Variants in BCR observed in about 807,000 individuals in gnomAD.
The protein encoded by BCR is BCR activator of RhoGEF and GTPase.
In BCR, 58 loss-of-function variants were observed where a neutral mutation model predicts 138.6. That is an observed-to-expected ratio of 0.42 (90% CI 0.34 to 0.52). BCR has a LOEUF of 0.52. Among genes scored for constraint, BCR ranks in the 20% least tolerant of loss-of-function variants. The probability of loss-of-function intolerance (pLI) is 0.06; values close to 1 mark genes in which losing one functional copy is unlikely to be tolerated. For missense variants in BCR, 1,599 were observed against 1,727.2 expected (o/e 0.93, Z 1.32); for synonymous variants, 786 against 730.1 (o/e 1.08, Z -1.23).
chr22:23,230,658 A>G (rs1455352458), intron 1 of BCR, among the ~76,000 whole-genome samples: 1 of 152,166 alleles, frequency 6.6e-6, no homozygotes, highest in Non-Finnish European at 1.5e-5. Flanking sequence ...CTCTGTCTTA[A>G]TGGTCTTTGC....
intron 9 of BCR, among the ~76,000 whole-genome samples, 189 bp from the exon 10 acceptor site, chr22:23,284,844 G>C (rs1241225072): frequency 2.0e-5 from 3 of 152,188 alleles, no homozygotes; most frequent in Non-Finnish European, 4.4e-5. Context: ...TGTTCAGAGT[G>C]TCTGTTCCCA....
chr22:23,221,397 C>T (rs1406484814), intron 1 of BCR, among the ~76,000 whole-genome samples: 2 of 152,244 alleles, frequency 1.3e-5, no homozygotes, highest in African/African-American at 4.8e-5. Flanking sequence ...CTCCTTCACC[C>T]TGTTCCCCTT....
At chr22:23,273,948 C>T (rs1410042552) in intron 8 of BCR, among the ~76,000 whole-genome samples, 174 bp downstream of exon 8, 1 of 152,224 alleles carries the variant, frequency 6.6e-6, no homozygotes, top group African/African-American at 2.4e-5. Flanking sequence ...GGTGCAGTCT[C>T]AGGGGTGACC....
Position 23,189,012 on chromosome 22 carries a change from A to G in BCR, c.1279+6773A>G, listed in dbSNP as rs1240170016. On this transcript the variant is annotated intron_variant, in intron 1 of 22. Coordinates refer to ENST00000305877, the MANE Select transcript of BCR (RefSeq NM_004327.4). ...CTCCCGAGTAGCTGGGATTACAGCT[A>G]ATTAGCCTAGCTAATTTTTGTATTT... Among the ~76,000 whole-genome samples, 5 of 151,926 alleles carry G rather than the reference A, an allele frequency of 3.3e-5. No homozygotes were observed. In the South Asian group the frequency reaches 6.2e-4, roughly 19 times the overall value.
At position 23,181,547 on chromosome 22, in the gene BCR, T is replaced by C. The variant is rs768863875; in HGVS notation, c.587T>C (p.Val196Ala). The C allele has an allele frequency of 6.2e-7, 1 of 1,612,826 alleles. No homozygotes were observed. Among genetic ancestry groups the C allele is most frequent in the Admixed American group, 1.7e-5 (1 of 60,032 alleles). Residue 196 changes from valine to alanine, a missense_variant, in exon 1 of 23, where the codon GTG becomes GCG. Transcript: ENST00000305877. ...CTGGTGAAGGTCAACGACAAAGAGG[T>C]GTCGGACCGCATCAGCTCCCTGGGC... is the stretch of plus-strand genomic sequence containing the variant. The part of the protein sequence containing the change: ...RGLVKVNDKE[V>A]SDRISSLGSQ...
intron 4 of BCR, chr22:23,264,921 C>G (rs1238060796): frequency 3.3e-5 from 5 of 152,090 alleles, no homozygotes; most frequent in African/African-American, 1.2e-4. Context: ...CCAGCCCTAC[C>G]TCAGGCTGGC....
chr22:23,277,645 G>A (rs147382918), intron 8 of BCR, among the ~76,000 whole-genome samples: 1 of 152,258 alleles, frequency 6.6e-6, no homozygotes, highest in East Asian at 1.9e-4. Context: ...TCACTACTGG[G>A]CCTCCTGGGA....
chr22:23,287,179 G>A lies in BCR; in HGVS notation c.2427G>A (p.Lys809=). 3 of 1,577,416 alleles carry A rather than the reference G, an allele frequency of 1.9e-6. No individual in the cohort carries two copies. Among genetic ancestry groups the A allele is most frequent in the Non-Finnish European group, 2.6e-6 (3 of 1,160,806 alleles). The change falls in exon 11 of 23, where the codon AAG becomes AAA. Residue 809 remains lysine (K), a synonymous_variant. Transcript: ENST00000305877. ...QREKRANKGS[K]ATERLKKKLS... ...CACAGAGGGCGAACAAGGGCAGCAA[G>A]GCTACGGAGAGGCTGAAGAAGAAGC...
chr22:23,262,843 G>T, intron 4 of BCR: 1 of 1,039,864 alleles, frequency 9.6e-7, no homozygotes, highest in African/African-American at 1.7e-5. Flanking sequence ...AAGCAGGGCG[G>T]AAGGGAAGCC....
Position 23,181,909 on chromosome 22 carries a change from TC to T in BCR, c.955del (p.Arg319GlyfsTer180). The T allele has an allele frequency of 6.2e-7, 1 of 1,613,278 alleles. No homozygotes were observed. Among genetic ancestry groups the T allele is most frequent in the African/African-American group, 1.3e-5 (1 of 74,956 alleles). On this transcript the variant is annotated frameshift_variant, in exon 1 of 23. Coordinates refer to ENST00000305877, the MANE Select transcript of BCR (RefSeq NM_004327.4). LOFTEE classifies it high-confidence loss of function. Reference protein sequence around the residue: ...KRLTWPRRSYSPRSFEDCGGG... With the variant: ...KRLTWPRRSYXPRSFEDCGGG... Reference sequence around the variant, plus strand: ...CCTTACCTGGCCCCGCAGGTCCTACTCCCCCCGGAGTTTTGAGGATTGCGGA... The same window carrying T: ...CCTTACCTGGCCCCGCAGGTCCTACTCCCCCGGAGTTTTGAGGATTGCGGA...
At chr22:23,276,709 T>C (rs2073581250) in intron 8 of BCR, among the ~76,000 whole-genome samples, 1 of 152,254 alleles carries the variant, frequency 6.6e-6, no homozygotes, top group African/African-American at 2.4e-5. Context: ...GGGCAGATGC[T>C]GCTGATCAGT....
At chr22:23,257,699 A>G (rs955537195) in intron 2 of BCR, among the ~76,000 whole-genome samples, 4 of 152,188 alleles carry the variant, frequency 2.6e-5, no homozygotes, top group Admixed American at 1.3e-4. Flanking sequence ...AGGGGGTGTC[A>G]TAGGTCGCCC....
intron 1 of BCR, among the ~76,000 whole-genome samples, chr22:23,211,746 G>T (rs1255382408): frequency 6.6e-6 from 1 of 152,056 alleles, no homozygotes; most frequent in Non-Finnish European, 1.5e-5. Flanking sequence ...CTAACCTCAG[G>T]TGATCCACCC....
intron 8 of BCR, among the ~76,000 whole-genome samples, chr22:23,274,710 C>T (rs1320914693): frequency 6.6e-6 from 1 of 152,036 alleles, no homozygotes; most frequent in Non-Finnish European, 1.5e-5. Context: ...GAATTCGAGA[C>T]CAGCCTGGCC....
At chr22:23,209,902 T>A (rs2072662085) in intron 1 of BCR, among the ~76,000 whole-genome samples, 1 of 152,212 alleles carries the variant, frequency 6.6e-6, no homozygotes, top group Admixed American at 6.5e-5. Flanking sequence ...GTAACTGTGA[T>A]TACAGACATG....
intron 1 of BCR, among the ~76,000 whole-genome samples, chr22:23,208,080 TTTGTG>T (rs1398268153): frequency 2.0e-5 from 3 of 152,214 alleles, no homozygotes; most frequent in Non-Finnish European, 4.4e-5. Context: ...AGAATGATGT[TTTGTG>T]TCTGTGCAAA....
At chr22:23,230,544 C>T (rs568194442) in intron 1 of BCR, among the ~76,000 whole-genome samples, 1 of 152,302 alleles carries the variant, frequency 6.6e-6, no homozygotes, top group African/African-American at 2.4e-5. Context: ...TTTGTTTTTT[C>T]CAGGCAAAGC....
chr22:23,193,365 C>T (rs1045333283), intron 1 of BCR, among the ~76,000 whole-genome samples: 1 of 152,246 alleles, frequency 6.6e-6, no homozygotes, highest in East Asian at 1.9e-4. Flanking sequence ...AGAGGGTGAC[C>T]CTTCCCCTTG....
chr22:23,309,490 G>A lies in BCR; in HGVS notation c.3072+7G>A, dbSNP rs1266539784. ...CGTCATCGCCATGAATGGGGTACGT[G>A]TCCGTGGGACTCTCCTGGTGCCCAC... On this transcript the variant is annotated splice_region_variant and intron_variant, in intron 17 of 22. Coordinates refer to ENST00000305877, the MANE Select transcript of BCR (RefSeq NM_004327.4). The A allele has an allele frequency of 6.3e-7, 1 of 1,591,484 alleles. No homozygotes were observed. Among genetic ancestry groups the A allele is most frequent in the Non-Finnish European group, 8.6e-7 (1 of 1,167,894 alleles).
Sources: gnomAD v4.1 joint callset for allele counts (sites outside exome capture counted in the v4.1 genomes callset) on GRCh38, gnomAD v4.1.1 for gene constraint, MANE v1.5 for transcripts, NCBI Gene and HGNC (gene_info 2026-07-23, HGNC 2026-07-21) for gene names.